Variants in LAMB1 observed in about 807,000 individuals in gnomAD.
LAMB1 encodes laminin subunit beta 1, also known as laminin subunit beta-1.
LAMB1 carries 121 observed loss-of-function variants against 222.3 expected under a neutral mutation model. The observed-to-expected ratio is 0.54, with a 90% CI of 0.47 to 0.63. LAMB1 has a LOEUF of 0.63. LAMB1 is among the 30% of genes least tolerant of loss of function. The probability of loss-of-function intolerance (pLI) is 0.00; values close to 1 mark genes in which losing one functional copy is unlikely to be tolerated. For synonymous variants in LAMB1, 794 were observed against 807.2 expected (o/e 0.98, Z 0.28); for missense variants, 2,172 against 2,240.8 (o/e 0.97, Z 0.62).
rs1417441102 is a variant in LAMB1, at chr7:107,997,653, A to ATCT, written c.349+703_349+704insAGA. Among the ~76,000 whole-genome samples the ATCT allele has an allele frequency of 1.2e-3, 181 of 152,326 alleles. 1 individual carries two copies. The highest frequency in any genetic ancestry group is 3.6e-3 in the African/African-American group (149 of 41,566). On this transcript the variant is annotated intron_variant, in intron 4 of 33. Coordinates refer to ENST00000222399, the MANE Select transcript of LAMB1 (RefSeq NM_002291.3). ...TTAAAGATCTAACAGTACATTGTTA[A>ATCT]TTAACGAACACAATAACTCTACCTT...
chr7:107,958,564 G>A (rs2033425102), intron 20 of LAMB1, among the ~76,000 whole-genome samples: 1 of 152,204 alleles, frequency 6.6e-6, no homozygotes, highest in Non-Finnish European at 1.5e-5. Flanking sequence ...GTGAAAAGGT[G>A]GAGACTATTA....
rs568550649 is a variant in LAMB1, at chr7:108,001,830, G to C, written c.38-97C>G. ...GGGGGCGGGGGAGTGGGTGCGGAGA[G>C]AGGACAGTCCATTCGGAAGAAAGCA... On this transcript the variant is annotated intron_variant, in intron 2 of 33. Coordinates refer to ENST00000222399, the MANE Select transcript of LAMB1 (RefSeq NM_002291.3). 3 of 1,552,754 alleles carry C rather than the reference G, an allele frequency of 1.9e-6. No individual in the cohort carries two copies. In the African/African-American group the frequency reaches 4.1e-5, roughly 21 times the overall value.
chr7:107,945,114 C>T (rs201701105), intron 24 of LAMB1, among the ~76,000 whole-genome samples: 2 of 151,410 alleles, frequency 1.3e-5, no homozygotes, highest in African/African-American at 2.4e-5. Context: ...CTCATTTTAA[C>T]AAGCCATAAT....
Position 108,000,856 on chromosome 7 carries a change from T to C in LAMB1, c.213+702A>G, listed in dbSNP as rs79420072. ...TTTTGCTCCCGGCCAGCCTCCTTTT[T>C]AAAAATGAAGGAAAAGTATTCTGAT... is the stretch of plus-strand genomic sequence containing the variant. On this transcript the variant is annotated intron_variant, in intron 3 of 33. Transcript: ENST00000222399. 3.4e-3 allele frequency among the ~76,000 whole-genome samples: 515 copies of C among 152,372 alleles called. 3 individuals carry two copies. Among genetic ancestry groups the C allele is most frequent in the African/African-American group, 0.012 (484 of 41,592 alleles).
intron 31 of LAMB1, 81 bp downstream of exon 31, chr7:107,928,983 G>T: frequency 7.5e-7 from 1 of 1,325,582 alleles, no homozygotes; most frequent in Non-Finnish European, 1.1e-6. Flanking sequence ...AAGAATTTCT[G>T]TTCATAGATA....
intron 14 of LAMB1, among the ~76,000 whole-genome samples, chr7:107,963,587 C>G (rs531168833): frequency 2.0e-5 from 3 of 152,204 alleles, no homozygotes; most frequent in African/African-American, 7.2e-5. Flanking sequence ...TGGTCATATC[C>G]AAAAATGGCT....
intron 28 of LAMB1, 59 bp downstream of exon 28, chr7:107,932,115 T>G: frequency 7.0e-7 from 1 of 1,438,332 alleles, no homozygotes; most frequent in South Asian, 1.1e-5. Flanking sequence ...TTCAGATCCT[T>G]TAGTCCACAG....
At chr7:107,998,529 A>G in intron 3 of LAMB1, 37 bp from the exon 4 acceptor site, 2 of 1,580,052 alleles carry the variant, frequency 1.3e-6, no homozygotes, top group Non-Finnish European at 1.7e-6. Context: ...CTAGAAAGCA[A>G]TCTCATTAAA....
rs80225385 is a variant in LAMB1 at position 107,940,100 on chromosome 7, C to A, written c.3650G>T (p.Arg1217Leu). The A allele has an allele frequency of 7.6e-4, 1,225 of 1,614,158 alleles. 11 individuals are homozygous for A. The African/African-American group carries it at 0.014, about 18-fold the overall frequency. The change falls in exon 25 of 34, where the codon CGT becomes CTT. Residue 1217 changes from arginine (R) to leucine (L), a missense_variant. Physicochemically the swap from Arg to Leu is moderately radical, Grantham distance 102 (BLOSUM62 -2). Transcript: ENST00000222399. ...CCTCTCCACCGAGTCCACAGTCTCA[C>A]GGTAAGGCCCGATCACACCACTGAT... ...LKISGVIGPY[R>L]ETVDSVERKV...
chr7:107,998,146 T>C (rs2034315032), intron 4 of LAMB1, among the ~76,000 whole-genome samples: 1 of 152,216 alleles, frequency 6.6e-6, no homozygotes, highest in South Asian at 2.1e-4. Context: ...TGGTCTAGCA[T>C]GACAGACTGC....
At chr7:107,950,811 T>C (rs2033226408) in intron 24 of LAMB1, among the ~76,000 whole-genome samples, 1 of 152,198 alleles carries the variant, frequency 6.6e-6, no homozygotes, top group Non-Finnish European at 1.5e-5. Flanking sequence ...TCAAGGAAGT[T>C]GGCCACAAAA....
intron 23 of LAMB1, 121 bp from the exon 24 acceptor site, chr7:107,951,443 G>C (rs1292257317): frequency 1.2e-6 from 1 of 832,094 alleles, no homozygotes; most frequent in Non-Finnish European, 1.9e-6. Flanking sequence ...GGTCTCCATT[G>C]ACTAGGAAAA....
intron 24 of LAMB1, among the ~76,000 whole-genome samples, chr7:107,948,238 T>G (rs1021660455): frequency 2.6e-5 from 4 of 152,176 alleles, no homozygotes; most frequent in Admixed American, 6.5e-5. Flanking sequence ...CCGCCCGCCT[T>G]GGCCTCCCAA....
intron 19 of LAMB1, 80 bp downstream of exon 19, chr7:107,959,611 C>G (rs767081471): frequency 6.2e-7 from 1 of 1,612,930 alleles, no homozygotes; most frequent in Non-Finnish European, 8.5e-7. Context: ...AGGGAAGCAT[C>G]GGCTCTGCAG....
rs2032559382 is a variant in LAMB1 at position 107,926,191 on chromosome 7, C to T, written c.5056G>A (p.Val1686Ile). Reference protein sequence around the residue: ...VYTVKQSAEDVKKTLDGELDE... With the variant: ...VYTVKQSAEDIKKTLDGELDE... ...TACAAAGATTTACGTACCTTCTTAA[C>T]ATCTTCTGCACTTTGCTTCACAGTA... Residue 1686 changes from valine (V) to isoleucine (I), a missense_variant, in exon 32 of 34, where the codon GTT (valine) becomes ATT (isoleucine). Coordinates refer to ENST00000222399, the MANE Select transcript of LAMB1 (RefSeq NM_002291.3). The T allele has an allele frequency of 2.5e-6, 4 of 1,612,612 alleles. No homozygotes were observed. The highest frequency in any genetic ancestry group is 1.1e-5 in the South Asian group (1 of 90,990).
At chr7:107,959,638 C>G (rs1385538686) in intron 19 of LAMB1, 53 bp downstream of exon 19, 8 of 1,614,134 alleles carry the variant, frequency 5.0e-6, no homozygotes, top group Non-Finnish European at 6.8e-6. Context: ...AACCCTGCCA[C>G]AATGGCTGAG....
intron 7 of LAMB1, among the ~76,000 whole-genome samples, chr7:107,983,051 T>C (rs6952333): frequency 0.35 from 53,921 of 152,098 alleles, 10,445 homozygotes; most frequent in Middle Eastern, 0.5. Context: ...CATAACTGCA[T>C]TTTGAGACAT....
chr7:107,958,975 C>T (rs766434745), intron 20 of LAMB1, among the ~76,000 whole-genome samples: 15 of 152,200 alleles, frequency 9.9e-5, no homozygotes, highest in Non-Finnish European at 2.2e-4. Context: ...TTCTATACAG[C>T]CCTATGGTAA....
At chr7:107,953,141 G>A (rs1338507731) in intron 22 of LAMB1, among the ~76,000 whole-genome samples, 2 of 152,170 alleles carry the variant, frequency 1.3e-5, no homozygotes, top group African/African-American at 4.8e-5. Context: ...TGGATCACCT[G>A]AGGTCAGGAG....
Sources: allele counts gnomAD v4.1 joint callset (sites outside exome capture counted in the v4.1 genomes callset), GRCh38; gene constraint gnomAD v4.1.1; transcripts MANE v1.5; gene names NCBI Gene and HGNC (gene_info 2026-07-23, HGNC 2026-07-21).